The following GRIK4 variants were observed in gnomAD, a reference collection of about 807,000 sequenced individuals.
GRIK4 encodes glutamate ionotropic receptor kainate type subunit 4.
In GRIK4, 40 loss-of-function variants were observed where a neutral mutation model predicts 104.9. That is an observed-to-expected ratio of 0.38 (90% CI 0.30 to 0.50). The LOEUF is 0.50. Ranked by LOEUF, GRIK4 falls within the 20% of genes least tolerant of loss-of-function variation. The pLI is 0.93. For missense variants in GRIK4, 1,047 were observed against 1,308.1 expected, an observed-to-expected ratio of 0.80 and a Z score of 3.08; for synonymous variants, 485 against 524.9, an observed-to-expected ratio of 0.92 and a Z score of 1.04.
chr11:120,786,299 A>G lies in GRIK4; in HGVS notation c.83-16394A>G, dbSNP rs187593028. 4.3e-3 allele frequency among the ~76,000 whole-genome samples: 637 copies of G among 149,168 alleles called. 1 individual carries two copies. The highest frequency in any genetic ancestry group is 7.9e-3 in the Admixed American group (120 of 15,130). On this transcript the variant is annotated intron_variant, in intron 3 of 20. Coordinates refer to ENST00000527524, the MANE Select transcript of GRIK4 (RefSeq NM_014619.5). ...CTAAAACCATACATGTCCAAATCCCATGGTCTGAAAACAGCATCTTACCCA... is the reference window on the plus strand; with the variant it reads ...CTAAAACCATACATGTCCAAATCCCGTGGTCTGAAAACAGCATCTTACCCA...
At chr11:120,935,217 CGGT>C (rs1943570875) in intron 13 of GRIK4, among the ~76,000 whole-genome samples, 2 of 152,072 alleles carry the variant, frequency 1.3e-5, no homozygotes, top group Non-Finnish European at 2.9e-5. Flanking sequence ...CTATTCCAGA[CGGT>C]GGAATAATTT....
chr11:120,546,744 A>G (rs999926962), intron 1 of GRIK4, among the ~76,000 whole-genome samples: 3 of 152,106 alleles, frequency 2.0e-5, no homozygotes, highest in Non-Finnish European at 4.4e-5. Flanking sequence ...CCCGTTCCTG[A>G]GTCACACATG....
intron 13 of GRIK4, among the ~76,000 whole-genome samples, chr11:120,918,313 G>T (rs1259978611): frequency 6.6e-6 from 1 of 152,178 alleles, no homozygotes; most frequent in Non-Finnish European, 1.5e-5. Context: ...TGAACCCGGG[G>T]TGACAACCCT....
intron 14 of GRIK4, among the ~76,000 whole-genome samples, chr11:120,946,558 A>G (rs558260661): frequency 6.6e-6 from 1 of 152,368 alleles, no homozygotes; most frequent in African/African-American, 2.4e-5. Context: ...GACATCTTCA[A>G]GGAGATTGGG....
At chr11:120,899,511 T>TC (rs1942675689) in intron 12 of GRIK4, among the ~76,000 whole-genome samples, 1 of 151,182 alleles carries the variant, frequency 6.6e-6, no homozygotes, top group African/African-American at 2.4e-5. Flanking sequence ...AAGTTCACCC[T>TC]CCCTTCCCTG....
At chr11:120,786,765 C>G (rs1331969125) in intron 3 of GRIK4, among the ~76,000 whole-genome samples, 1 of 152,126 alleles carries the variant, frequency 6.6e-6, no homozygotes, top group African/African-American at 2.4e-5. Flanking sequence ...TCCTCTTTTC[C>G]GAGAAAATAG....
chr11:120,858,216 C>G (rs1954169673), intron 8 of GRIK4: 1 of 152,156 alleles, frequency 6.6e-6, no homozygotes, highest in Non-Finnish European at 1.5e-5. Context: ...ATAATGGGAG[C>G]CTAAGTGAGC....
intron 3 of GRIK4, among the ~76,000 whole-genome samples, chr11:120,699,745 G>A (rs1317303715): frequency 2.6e-5 from 4 of 152,208 alleles, no homozygotes. Context: ...GAGAAGAGCT[G>A]CACACATGTT....
intron 3 of GRIK4, among the ~76,000 whole-genome samples, chr11:120,672,037 A>G (rs181769700): frequency 3.9e-5 from 6 of 152,228 alleles, no homozygotes; most frequent in African/African-American, 1.2e-4. Flanking sequence ...GCCTTGTAGT[A>G]TAGTTTGAAG....
intron 2 of GRIK4, among the ~76,000 whole-genome samples, chr11:120,658,850 G>GC (rs1424946689): frequency 7.2e-6 from 1 of 137,938 alleles, no homozygotes; most frequent in Non-Finnish European, 1.5e-5. Context: ...CCCGGTTCAC[G>GC]CCATTCTCCT....
intron 1 of GRIK4, among the ~76,000 whole-genome samples, chr11:120,582,373 T>C (rs1471458471): frequency 1.3e-5 from 2 of 152,114 alleles, no homozygotes; most frequent in African/African-American, 4.8e-5. Flanking sequence ...GTAAATTGCA[T>C]GTCATGGGGG....
intron 13 of GRIK4, among the ~76,000 whole-genome samples, chr11:120,938,141 A>G (rs17124575): frequency 0.25 from 38,543 of 151,992 alleles, 5,395 homozygotes; most frequent in East Asian, 0.37. Flanking sequence ...AATTTGGTTC[A>G]TTTCTGTTAC....
At chr11:120,968,259 G>A (rs190781818) in intron 19 of GRIK4, among the ~76,000 whole-genome samples, 67 of 152,260 alleles carry the variant, frequency 4.4e-4, no homozygotes, top group African/African-American at 1.6e-3. Flanking sequence ...GTATAGTCTT[G>A]TTTCTATCTA....
chr11:120,863,203 A>C (rs1451491246), intron 9 of GRIK4, among the ~76,000 whole-genome samples: 2 of 152,234 alleles, frequency 1.3e-5, no homozygotes, highest in Non-Finnish European at 2.9e-5. Flanking sequence ...AGCGATGGAC[A>C]ACTTATATGA....
intron 3 of GRIK4, among the ~76,000 whole-genome samples, chr11:120,772,884 C>T (rs1476475366): frequency 6.6e-6 from 1 of 152,010 alleles, no homozygotes; most frequent in Non-Finnish European, 1.5e-5. Flanking sequence ...CATCTAGTCA[C>T]ATCAACTCAT....
chr11:120,897,709 C>T (rs920927927), intron 11 of GRIK4, among the ~76,000 whole-genome samples: 24 of 145,140 alleles, frequency 1.7e-4, no homozygotes, highest in African/African-American at 6.1e-4. Flanking sequence ...AGAGAGAAAA[C>T]GAAAGACAAC....
intron 1 of GRIK4, among the ~76,000 whole-genome samples, chr11:120,521,033 A>T (rs1045509559): frequency 6.6e-6 from 1 of 151,398 alleles, no homozygotes; most frequent in Non-Finnish European, 1.5e-5. Flanking sequence ...GGTCAGCACA[A>T]CTCTGCCCTT....
chr11:120,566,092 TTGTGCTTTGCACTTTAAAGCC>T (rs1948319121), intron 1 of GRIK4, among the ~76,000 whole-genome samples: 1 of 152,236 alleles, frequency 6.6e-6, no homozygotes, highest in African/African-American at 2.4e-5. Context: ...CAGCCTGGAT[TTGTGCTTTGCACTTTAAAGCC>T]TGTTCTTTGC....
At chr11:120,590,074 G>A (rs1399873334) in intron 1 of GRIK4, among the ~76,000 whole-genome samples, 2 of 152,228 alleles carry the variant, frequency 1.3e-5, no homozygotes, top group East Asian at 3.8e-4. Flanking sequence ...AGCTGGGAAG[G>A]AGGGTGTGTT....
Sources: allele counts gnomAD v4.1 joint callset (sites outside exome capture counted in the v4.1 genomes callset), GRCh38; gene constraint gnomAD v4.1.1; transcripts MANE v1.5; gene names NCBI Gene and HGNC (gene_info 2026-07-23, HGNC 2026-07-21).